SGCD: variants seen among roughly 807,000 people sequenced by gnomAD.
SGCD encodes the protein sarcoglycan delta, also known as delta-sarcoglycan.
SGCD carries 18 observed loss-of-function variants against 36.6 expected under a neutral mutation model. That is an observed-to-expected ratio of 0.49 (90% CI 0.34 to 0.73). The LOEUF (loss-of-function observed/expected upper bound fraction) is 0.73, where lower values mean the gene tolerates loss of function less well. SGCD is among the 30% of genes least tolerant of loss of function. The pLI is 0.01. For synonymous variants in SGCD, 133 were observed against 130.6 expected (o/e 1.02, Z -0.12); for missense variants, 387 against 346.7 (o/e 1.12, Z -0.92).
intron 1 of SGCD, among the ~76,000 whole-genome samples, chr5:155,898,924 A>G (rs376999338): frequency 1.3e-5 from 2 of 152,154 alleles, no homozygotes; most frequent in African/African-American, 2.4e-5. Context: ...GGCTACTTCA[A>G]TGTTTGATCT....
chr5:155,743,023 T>A, the SGCD span, among the ~76,000 whole-genome samples: 1 of 152,204 alleles, frequency 6.6e-6, no homozygotes, highest in Non-Finnish European at 1.5e-5. Flanking sequence ...TTCCTTGCCC[T>A]CTCTAGGTGT....
At chr5:156,046,822 C>G (rs533610126) in intron 1 of SGCD, among the ~76,000 whole-genome samples, 1 of 152,194 alleles carries the variant, frequency 6.6e-6, no homozygotes, top group South Asian at 2.1e-4. Context: ...TCACATATCT[C>G]TCACTTCAAA....
the SGCD span, among the ~76,000 whole-genome samples, chr5:155,784,971 AT>A: frequency 6.6e-6 from 1 of 152,116 alleles, no homozygotes; most frequent in African/African-American, 2.4e-5. Context: ...TTGGAAGCCA[AT>A]TTATTATGAA....
At chr5:156,417,093 C>T (rs1421077920) in intron 3 of SGCD, among the ~76,000 whole-genome samples, 1 of 152,080 alleles carries the variant, frequency 6.6e-6, no homozygotes, top group Non-Finnish European at 1.5e-5. Flanking sequence ...AAAAAAATCT[C>T]ATTTTAGAGA....
chr5:156,243,907 A>G (rs913361309), intron 3 of SGCD, among the ~76,000 whole-genome samples: 1 of 152,242 alleles, frequency 6.6e-6, no homozygotes, highest in Non-Finnish European at 1.5e-5. Context: ...ATGAGTTCAT[A>G]GTGATACAAA....
chr5:156,433,630 C>T (rs1051000423), intron 3 of SGCD, among the ~76,000 whole-genome samples: 2 of 152,150 alleles, frequency 1.3e-5, no homozygotes, highest in African/African-American at 4.8e-5. Flanking sequence ...TCATTTTGAA[C>T]AGCTAAAAGG....
chr5:155,947,763 G>C (rs1488862770), intron 1 of SGCD, among the ~76,000 whole-genome samples: 1 of 152,158 alleles, frequency 6.6e-6, no homozygotes, highest in Non-Finnish European at 1.5e-5. Context: ...GCAGGTACAT[G>C]TTTGTCCTGA....
In SGCD at chr5:156,498,053, G is replaced by C. The variant is rs989546655; in HGVS notation, c.193-10548G>C. Among the ~76,000 whole-genome samples the C allele has an allele frequency of 4.6e-5, 7 of 152,268 alleles. 1 individual carries two copies. The highest frequency in any genetic ancestry group is 4.6e-4 in the Admixed American group (7 of 15,278). Reference sequence around the variant, plus strand: ...ATCAAGTTGGACTTTAATGGAAACAGAACGTTGCCCAGCATGTTCCTTTAG... The same window carrying C: ...ATCAAGTTGGACTTTAATGGAAACACAACGTTGCCCAGCATGTTCCTTTAG... On this transcript the variant is annotated intron_variant, in intron 3 of 8. Coordinates refer to ENST00000337851, the MANE Select transcript of SGCD (RefSeq NM_000337.6).
At chr5:156,380,553 G>A (rs1291474142) in intron 3 of SGCD, among the ~76,000 whole-genome samples, 3 of 152,188 alleles carry the variant, frequency 2.0e-5, no homozygotes, top group Non-Finnish European at 4.4e-5. Flanking sequence ...CTAGCAGGTG[G>A]TTTCACTTGT....
At chr5:156,520,260 T>C (rs1464652844) in intron 4 of SGCD, among the ~76,000 whole-genome samples, 2 of 144,710 alleles carry the variant, frequency 1.4e-5, no homozygotes, top group Non-Finnish European at 3.2e-5. Flanking sequence ...TGAACTCCCA[T>C]TTACAATTGC....
intron 3 of SGCD, among the ~76,000 whole-genome samples, chr5:156,201,721 GTT>G (rs34180440): frequency 6.8e-5 from 10 of 148,002 alleles, no homozygotes; most frequent in Non-Finnish European, 1.2e-4. Context: ...TAATTCCCTA[GTT>G]TTTTTTTTTT....
chr5:155,962,507 G>T lies in SGCD; in HGVS notation c.-282+92083G>T, dbSNP rs533664170. On this transcript the variant is annotated intron_variant, in intron 1 of 9. Transcript: ENST00000517913. The stretch of plus-strand genomic sequence containing the variant: ...AGCTACTCCTTCTCCTATGAGTCCT[G>T]CAAGCTCCTGCATCAAAGGAAGCAT... 5.9e-5 allele frequency among the ~76,000 whole-genome samples: 9 copies of T among 152,182 alleles called. No individual in the cohort carries two copies. In the East Asian group the frequency reaches 1.8e-3, roughly 30 times the overall value.
At chr5:156,527,687 A>G (rs1254683980) in intron 4 of SGCD, among the ~76,000 whole-genome samples, 1 of 152,108 alleles carries the variant, frequency 6.6e-6, no homozygotes, top group Non-Finnish European at 1.5e-5. Flanking sequence ...TTTTTAAGTC[A>G]TGAAATATTT....
intron 1 of SGCD, among the ~76,000 whole-genome samples, chr5:156,080,254 C>G (rs1278773078): frequency 6.6e-6 from 1 of 152,150 alleles, no homozygotes; most frequent in Non-Finnish European, 1.5e-5. Flanking sequence ...AGGCCTGGCC[C>G]ATGAAATCAT....
At chr5:156,513,869 A>C (rs2127883977) in intron 4 of SGCD, among the ~76,000 whole-genome samples, 1 of 152,354 alleles carries the variant, frequency 6.6e-6, no homozygotes, top group African/African-American at 2.4e-5. Context: ...ACAGCTTCTA[A>C]GTGGTAAAGT....
At position 155,944,235 on chromosome 5, in the gene SGCD, A is replaced by G. The variant is rs558012505; in HGVS notation, c.-282+73811A>G. 2.2e-3 allele frequency among the ~76,000 whole-genome samples: 335 copies of G among 152,298 alleles called. 2 individuals are homozygous for G. The highest frequency in any genetic ancestry group is 7.6e-3 in the African/African-American group (315 of 41,568). ...TAATATATACTTACTGTAAATTAAG[A>G]TCAAACCAAAACCCAAACAAAGGAA... On this transcript the variant is annotated intron_variant, in intron 1 of 9. Coordinates refer to the SGCD transcript ENST00000517913.
At chr5:156,631,179 A>G (rs1396095072) in intron 6 of SGCD, among the ~76,000 whole-genome samples, 1 of 152,200 alleles carries the variant, frequency 6.6e-6, no homozygotes, top group Non-Finnish European at 1.5e-5. Context: ...GACATTTTTC[A>G]GGACAACTTG....
At chr5:156,129,787 A>C (rs562462721) in intron 3 of SGCD, among the ~76,000 whole-genome samples, 2 of 152,324 alleles carry the variant, frequency 1.3e-5, no homozygotes, top group African/African-American at 4.8e-5. Context: ...GATAGTCTCC[A>C]GCTTCATCCA....
upstream of SGCD, among the ~76,000 whole-genome samples, chr5:155,870,134 A>G (rs1381887532): frequency 6.6e-6 from 1 of 152,232 alleles, no homozygotes; most frequent in Non-Finnish European, 1.5e-5. Context: ...AGTGTGATAT[A>G]CTGGTGAGAG....
Sources: allele counts gnomAD v4.1 joint callset (sites outside exome capture counted in the v4.1 genomes callset), GRCh38; gene constraint gnomAD v4.1.1; transcripts MANE v1.5; gene names NCBI Gene and HGNC (gene_info 2026-07-23, HGNC 2026-07-21).